DHX36: variants seen among roughly 807,000 people sequenced by gnomAD.
DHX36 encodes ATP-dependent DNA/RNA helicase DHX36.
In DHX36, 50 loss-of-function variants were observed where a neutral mutation model predicts 139.0. The ratio of observed to expected loss-of-function variants is 0.36; its 90% CI spans 0.29 to 0.46. DHX36 has a LOEUF of 0.46. DHX36 is among the 20% of genes least tolerant of loss of function. The pLI, the probability that DHX36 is intolerant of heterozygous loss-of-function variation, is 1.00. For missense variants in DHX36, 1,024 were observed against 1,211.3 expected (o/e 0.85, Z 2.29); for synonymous variants, 425 against 401.9 (o/e 1.06, Z -0.69).
At chr3:154,300,304 G>A (rs957676243) in intron 11 of DHX36, among the ~76,000 whole-genome samples, 1 of 152,150 alleles carries the variant, frequency 6.6e-6, no homozygotes, top group Non-Finnish European at 1.5e-5. Context: ...CTGGCCTCAA[G>A]TGATCCACCT....
chr3:154,310,110 T>C (rs1355587610), intron 4 of DHX36, among the ~76,000 whole-genome samples: 1 of 152,180 alleles, frequency 6.6e-6, no homozygotes, highest in East Asian at 1.9e-4. Context: ...ATTAAAATAA[T>C]GTTGATATGT....
chr3:154,324,404 A>G lies in DHX36; in HGVS notation c.13T>C (p.Tyr5His), dbSNP rs375589062. The change falls in exon 1 of 25, where the codon TAC becomes CAC. Residue 5 changes from tyrosine to histidine, a missense_variant. Around this residue, in one of 4 missense-constraint regions of DHX36, gnomAD observed 293 missense variants for 274.4 expected, o/e 1.07. Transcript: ENST00000496811. Reference protein sequence around the residue: MSYDYHQNWGRDGGP... With the variant: MSYDHHQNWGRDGGP... ...CCATCACGGCCCCAGTTCTGATGGT[A>G]GTCATAACTCATTGTCCTGGCAGAC... 8.4e-6 allele frequency: 13 copies of G among 1,541,616 alleles called. No individual in the cohort carries two copies. In the African/African-American group the frequency reaches 1.8e-4, roughly 21 times the overall value.
intron 23 of DHX36, 62 bp downstream of exon 23, chr3:154,277,536 C>T: frequency 4.7e-6 from 7 of 1,480,422 alleles, no homozygotes; most frequent in Non-Finnish European, 6.3e-6. Context: ...TAAAACTACA[C>T]AATCATAAAA....
chr3:154,314,597 G>A (rs1712891264), intron 3 of DHX36: 1 of 153,150 alleles, frequency 6.5e-6, no homozygotes, highest in South Asian at 2.0e-4. Context: ...GGAGATCTCA[G>A]GTGTTGTGAT....
intron 1 of DHX36, among the ~76,000 whole-genome samples, chr3:154,319,441 CA>C (rs1713107770): frequency 6.6e-6 from 1 of 152,020 alleles, no homozygotes; most frequent in African/African-American, 2.4e-5. Context: ...CAGTTTTTCA[CA>C]AAACAAAAGC....
At chr3:154,315,395 C>T (rs529957275) in intron 2 of DHX36, 115 bp from the exon 3 acceptor site, 68 of 668,510 alleles carry the variant, frequency 1.0e-4, no homozygotes, top group Admixed American at 3.4e-4. Flanking sequence ...AAATCCAAAG[C>T]TTTTCTTTTC....
At chr3:154,319,451 G>A (rs990432786) in intron 1 of DHX36, among the ~76,000 whole-genome samples, 1 of 151,884 alleles carries the variant, frequency 6.6e-6, no homozygotes, top group African/African-American at 2.4e-5. Context: ...CAAAACAAAA[G>A]CCCTAAGAAA....
At chr3:154,282,920 G>C (rs1236985008) in intron 20 of DHX36, among the ~76,000 whole-genome samples, 1 of 152,106 alleles carries the variant, frequency 6.6e-6, no homozygotes, top group Non-Finnish European at 1.5e-5. Context: ...TTCTCAGTTT[G>C]AATCATCAAA....
Position 154,293,798 on chromosome 3 carries a change from G to T in DHX36, c.1620C>A (p.Thr540=). Residue 540 remains threonine, a synonymous_variant, in exon 14 of 25, where the codon ACC becomes ACA. Transcript: ENST00000496811. ...TTACTATTTTCCGAACACCAGGAGGGGTTCTTTTAAACACCTGTAAAAATA... is the reference window on the plus strand; with the variant it reads ...TTACTATTTTCCGAACACCAGGAGGTGTTCTTTTAAACACCTGTAAAAATA... ...TVNQTQVFKR[T]PPGVRKIVIA... 3 of 1,611,982 alleles carry T rather than the reference G, an allele frequency of 1.9e-6. No homozygotes were observed. The highest frequency in any genetic ancestry group is 2.5e-6 in the Non-Finnish European group (3 of 1,178,644).
chr3:154,317,320 T>G (rs1176149899), intron 1 of DHX36, among the ~76,000 whole-genome samples: 1 of 152,082 alleles, frequency 6.6e-6, no homozygotes, highest in Non-Finnish European at 1.5e-5. Flanking sequence ...TAATAATGAC[T>G]AGGTAGATGA....
intron 1 of DHX36, among the ~76,000 whole-genome samples, chr3:154,320,884 T>C (rs2108370414): frequency 6.6e-6 from 1 of 152,350 alleles, no homozygotes; most frequent in South Asian, 2.1e-4. Flanking sequence ...CCATTCCTTA[T>C]ACTGCTACCA....
At chr3:154,321,455 C>T (rs1191779128) in intron 1 of DHX36, among the ~76,000 whole-genome samples, 1 of 152,190 alleles carries the variant, frequency 6.6e-6, no homozygotes, top group Non-Finnish European at 1.5e-5. Context: ...GAAAAATCTT[C>T]TAAAATACCT....
intron 1 of DHX36, among the ~76,000 whole-genome samples, chr3:154,316,856 A>G (rs1713005858): frequency 6.6e-6 from 1 of 152,006 alleles, no homozygotes; most frequent in African/African-American, 2.4e-5. Context: ...AGACTTTTAT[A>G]TTTAGATATA....
rs1026192960 is a variant in DHX36, at chr3:154,293,895, T to C, written c.1606-83A>G. 4 of 967,162 alleles carry C rather than the reference T, an allele frequency of 4.1e-6. No homozygotes were observed. The African/African-American group carries it at 4.9e-5, about 12-fold the overall frequency. 59.9% of individuals were successfully genotyped at this position (967,162 alleles called of 1,614,324 possible). A position where few individuals can be genotyped will look rare whatever the true frequency, so the allele number is the denominator to read the frequency against. On this transcript the variant is annotated intron_variant, in intron 13 of 24. Coordinates refer to ENST00000496811, the MANE Select transcript of DHX36 (RefSeq NM_020865.3). ...TTGTAATTAGAGGAATTACCTCAGA[T>C]ACTGTTCATTTTTAGCATTCTATGT...
Position 154,283,420 on chromosome 3 carries a change from C to T in DHX36, c.2293-149G>A, listed in dbSNP as rs1719392902. 4.3e-5 allele frequency: 26 copies of T among 605,604 alleles called. No homozygotes were observed. In the East Asian group the frequency reaches 7.2e-4, roughly 17 times the overall value. 37.5% of individuals were successfully genotyped at this position (605,604 alleles called of 1,614,324 possible). On this transcript the variant is annotated intron_variant, in intron 19 of 24. Transcript: ENST00000496811. ...TCAAAGAATTTTATAACTGATAAAA[C>T]TAAAAACACATACACTCCCCATGAT...
chr3:154,292,442 T>C, intron 15 of DHX36, 109 bp downstream of exon 15: 1 of 1,455,890 alleles, frequency 6.9e-7, no homozygotes, highest in Non-Finnish European at 9.4e-7. Context: ...AAGCTCAAAA[T>C]AATAAGAAAG....
In DHX36 at chr3:154,324,198, C is replaced by T. The variant is rs1427488260; in HGVS notation, c.219G>A (p.Lys73=). The change falls in exon 1 of 25, where the codon AAG becomes AAA. Residue 73 remains lysine, a synonymous_variant. Coordinates refer to ENST00000496811, the MANE Select transcript of DHX36 (RefSeq NM_020865.3). ...CCTCTTGCCTCTCCGCTTCCTTGTT[C>T]TTCTGCCCCTGTTTTTTCGCGTACC... ...GMWYAKKQGQ[K]NKEAERQERA... The T allele has an allele frequency of 6.2e-7, 1 of 1,613,020 alleles. No homozygotes were observed. Among genetic ancestry groups the T allele is most frequent in the Non-Finnish European group, 8.5e-7 (1 of 1,179,372 alleles).
chr3:154,323,382 T>C lies in DHX36; in HGVS notation c.243+792A>G, dbSNP rs116501802. The stretch of plus-strand genomic sequence containing the variant: ...ATGATGATCTAATTACACTCTATAA[T>C]ACATTTTATAAGGTGCTTTTAAAAA... On this transcript the variant is annotated intron_variant, in intron 1 of 24. Coordinates refer to ENST00000496811, the MANE Select transcript of DHX36 (RefSeq NM_020865.3). Among the ~76,000 whole-genome samples, 235 of 152,096 alleles carry C rather than the reference T, an allele frequency of 1.5e-3. 2 individuals carry two copies. Among genetic ancestry groups the C allele is most frequent in the South Asian group, 7.7e-3 (37 of 4,814 alleles).
At chr3:154,313,413 C>T (rs904172911) in intron 3 of DHX36, among the ~76,000 whole-genome samples, 2 of 152,180 alleles carry the variant, frequency 1.3e-5, no homozygotes, top group Non-Finnish European at 1.5e-5. Flanking sequence ...GCTGGTGTGG[C>T]TCACTCCCAT....
Sources: allele counts gnomAD v4.1 joint callset (sites outside exome capture counted in the v4.1 genomes callset), GRCh38; gene constraint gnomAD v4.1.1; regional missense constraint gnomAD v4.1.1; transcripts MANE v1.5; gene names NCBI Gene and HGNC (gene_info 2026-07-23, HGNC 2026-07-21).